Variants in ASPH observed in about 807,000 individuals in gnomAD.
The protein encoded by ASPH is aspartyl/asparaginyl beta-hydroxylase.
Under a neutral mutation model 118.4 loss-of-function variants are expected in ASPH, and 100 were observed. The ratio of observed to expected loss-of-function variants is 0.84; its 90% CI spans 0.72 to 1.00. ASPH has a LOEUF of 1.00. Among genes scored for constraint, ASPH ranks in the 50% least tolerant of loss-of-function variants. The pLI is 0.00. For missense variants in ASPH, 920 were observed against 919.5 expected (o/e 1.00, Z -0.01); for synonymous variants, 315 against 325.6 (o/e 0.97, Z 0.35).
intron 13 of ASPH, chr8:61,626,373 C>T: frequency 7.6e-7 from 1 of 1,322,336 alleles, no homozygotes; most frequent in Non-Finnish European, 9.7e-7. Context: ...AAAAACCCAC[C>T]AACAAAGTAA....
At chr8:61,699,849 A>C (rs2151855092) in intron 1 of ASPH, among the ~76,000 whole-genome samples, 1 of 152,306 alleles carries the variant, frequency 6.6e-6, no homozygotes, top group East Asian at 1.9e-4. Context: ...TCCCCAGTGG[A>C]TGTCCACTCA....
intron 14 of ASPH, among the ~76,000 whole-genome samples, chr8:61,605,711 G>A (rs1382756850): frequency 6.6e-6 from 1 of 152,152 alleles, no homozygotes; most frequent in African/African-American, 2.4e-5. Context: ...TTGACCTCCA[G>A]CATCACATTT....
At chr8:61,690,332 T>C (rs1192079285) in intron 1 of ASPH, among the ~76,000 whole-genome samples, 1 of 151,664 alleles carries the variant, frequency 6.6e-6, no homozygotes, top group Non-Finnish European at 1.5e-5. Flanking sequence ...AGCACCAACA[T>C]AAAATGTTTC....
chr8:61,553,601 AT>A (rs35343441), intron 19 of ASPH, among the ~76,000 whole-genome samples: 85,452 of 130,988 alleles, frequency 0.65, 26,577 homozygotes, highest in Non-Finnish European at 0.73. Context: ...CCTTTTAATG[AT>A]TTTTTTTTTT....
chr8:61,695,435 C>T (rs1833702051), intron 1 of ASPH, among the ~76,000 whole-genome samples: 1 of 152,174 alleles, frequency 6.6e-6, no homozygotes. Flanking sequence ...GCCCAAAATA[C>T]CTGACCATGG....
intron 13 of ASPH, among the ~76,000 whole-genome samples, chr8:61,631,038 A>G (rs1038899554): frequency 4.6e-5 from 7 of 152,190 alleles, no homozygotes; most frequent in Admixed American, 2.6e-4. Context: ...AAAAGTTAAA[A>G]AAATTGAAAA....
At chr8:61,683,096 T>C (rs1267839702) in intron 2 of ASPH, among the ~76,000 whole-genome samples, 3 of 152,090 alleles carry the variant, frequency 2.0e-5, no homozygotes, top group Admixed American at 1.3e-4. Context: ...AAAGATCATA[T>C]AATGTATGGT....
chr8:61,676,098 T>G, intron 3 of ASPH: 1 of 1,599,430 alleles, frequency 6.3e-7, no homozygotes, highest in Non-Finnish European at 8.5e-7. Context: ...AAATCCAATA[T>G]GACACAAGTC....
At chr8:61,564,802 C>A (rs1831118617) in intron 17 of ASPH, among the ~76,000 whole-genome samples, 2 of 152,212 alleles carry the variant, frequency 1.3e-5, no homozygotes, top group South Asian at 4.1e-4. Context: ...AAAAGTGATA[C>A]AACTCCTCTT....
rs112251545 is a variant in ASPH at position 61,579,111 on chromosome 8, G to A, written c.1063-2253C>T. The A allele has an allele frequency of 1.4e-4, 220 of 1,610,700 alleles. 2 individuals carry two copies. Among genetic ancestry groups the A allele is most frequent in the African/African-American group, 7.8e-4 (58 of 74,778 alleles). Reference sequence around the variant, plus strand: ...GCAGAGTCTGGCTGGGAAGCACGGGGATGACCTGTGGCGCACAAAGACTGA... The same window carrying A: ...GCAGAGTCTGGCTGGGAAGCACGGGAATGACCTGTGGCGCACAAAGACTGA... On this transcript the variant is annotated intron_variant, in intron 15 of 24. Transcript: ENST00000379454.
chr8:61,576,734 A>G, intron 16 of ASPH, 38 bp downstream of exon 16: 12 of 1,552,294 alleles, frequency 7.7e-6, no homozygotes, highest in South Asian at 1.2e-5. Context: ...ACACATGAAC[A>G]TCAAAAAAGT....
intron 5 of ASPH, 124 bp from the exon 6 acceptor site, chr8:61,647,002 A>G (rs2151034258): frequency 7.8e-7 from 1 of 1,277,594 alleles, no homozygotes; most frequent in Non-Finnish European, 1.1e-6. Flanking sequence ...CGGCCGCTGA[A>G]GACACCATTG....
intron 10 of ASPH, among the ~76,000 whole-genome samples, chr8:61,640,985 T>G (rs1368274879): frequency 1.3e-5 from 2 of 152,246 alleles, no homozygotes; most frequent in Non-Finnish European, 2.9e-5. Context: ...TTCACTTACA[T>G]GTCAGTTACT....
intron 1 of ASPH, 86 bp from the exon 2 acceptor site, chr8:61,684,274 G>A: frequency 7.2e-7 from 1 of 1,387,242 alleles, no homozygotes; most frequent in Admixed American, 2.3e-5. Context: ...AATAATTTGG[G>A]ATTATGTACA....
chr8:61,687,103 A>T (rs1207710854), intron 1 of ASPH, among the ~76,000 whole-genome samples: 7 of 152,144 alleles, frequency 4.6e-5, no homozygotes, highest in East Asian at 1.9e-4. Flanking sequence ...AAAAAAAATT[A>T]AAAAGTCTAT....
Position 61,714,217 on chromosome 8 carries a change from G to C in ASPH, c.103+52C>G, listed in dbSNP as rs557252292. 84 of 1,378,340 alleles carry C rather than the reference G, an allele frequency of 6.1e-5. No homozygotes were observed. The African/African-American group carries it at 1.1e-3, about 18-fold the overall frequency. 85.4% of individuals were successfully genotyped at this position (1,378,340 alleles called of 1,614,324 possible). A position where few individuals can be genotyped will look rare whatever the true frequency, so the allele number is the denominator to read the frequency against. On this transcript the variant is annotated intron_variant, in intron 1 of 24. Coordinates refer to ENST00000379454, the MANE Select transcript of ASPH (RefSeq NM_004318.4). ...CCCGCAGCGTCCGCCGCGCCAGCCGGCTCCCTACCCCGAGGCGAGGCCCCA... is the reference window on the plus strand; with the variant it reads ...CCCGCAGCGTCCGCCGCGCCAGCCGCCTCCCTACCCCGAGGCGAGGCCCCA...
chr8:61,654,497 C>G (rs1327092968), intron 3 of ASPH, among the ~76,000 whole-genome samples: 2 of 152,092 alleles, frequency 1.3e-5, no homozygotes, highest in Non-Finnish European at 2.9e-5. Flanking sequence ...GGACAGCCTG[C>G]GGCAGGAAGG....
intron 16 of ASPH, among the ~76,000 whole-genome samples, chr8:61,574,890 C>T (rs1164102167): frequency 1.3e-5 from 2 of 152,138 alleles, no homozygotes. Context: ...AACAAACCCT[C>T]CCATGGCTTC....
In ASPH at chr8:61,576,828, T is replaced by G; in HGVS notation, c.1093A>C (p.Lys365Gln). Residue 365 changes from lysine to glutamine, a missense_variant, in exon 16 of 25, where the codon AAA (lysine) becomes CAA (glutamine). By Grantham distance (53) the Lys-to-Gln change is moderately conservative. Coordinates refer to ENST00000379454, the MANE Select transcript of ASPH (RefSeq NM_004318.4). The stretch of plus-strand genomic sequence containing the variant: ...TGAGGGTATTTGCGTACTAGTTCTT[T>G]AAATGCATTCACTGCTTCCTCAATT... ...GKIEEAVNAFKELVRKYPQSP... is the reference protein window; with the variant it reads ...GKIEEAVNAFQELVRKYPQSP... 1 of 1,609,042 alleles carries G rather than the reference T, an allele frequency of 6.2e-7. No homozygotes were observed. The highest frequency in any genetic ancestry group is 8.5e-7 in the Non-Finnish European group (1 of 1,177,080).
Sources: gnomAD v4.1 joint callset for allele counts (sites outside exome capture counted in the v4.1 genomes callset) on GRCh38, gnomAD v4.1.1 for gene constraint, MANE v1.5 for transcripts, NCBI Gene and HGNC (gene_info 2026-07-23, HGNC 2026-07-21) for gene names.